Variants in USP35 observed in about 807,000 individuals in gnomAD.
USP35 encodes the protein ubiquitin carboxyl-terminal hydrolase 35.
In USP35, 69 loss-of-function variants were observed where a neutral mutation model predicts 83.8. The ratio of observed to expected loss-of-function variants is 0.82; its 90% CI spans 0.68 to 1.01. The LOEUF is 1.01. Ranked by LOEUF, USP35 falls within the 50% of genes least tolerant of loss-of-function variation. USP35 has a pLI of 0.00. For missense variants in USP35, 1,503 were observed against 1,362.5 expected, an observed-to-expected ratio of 1.10 and a Z score of -1.62; for synonymous variants, 714 against 589.5, an observed-to-expected ratio of 1.21 and a Z score of -3.06.
chr11:78,205,812 A>G lies in USP35; in HGVS notation c.1198-30A>G, dbSNP rs371788641. On this transcript the variant is annotated intron_variant, in intron 6 of 10. Coordinates refer to ENST00000529308, the MANE Select transcript of USP35 (RefSeq NM_020798.4). Reference sequence around the variant, plus strand: ...TTTTGAGCTGACCCTGGTGCCCACCATCCTGCCTGCCTGCTTATTCCCTCC... The same window carrying G: ...TTTTGAGCTGACCCTGGTGCCCACCGTCCTGCCTGCCTGCTTATTCCCTCC... 1.9e-5 allele frequency: 30 copies of G among 1,586,732 alleles called. No individual in the cohort carries two copies. The African/African-American group carries it at 2.8e-4, about 15-fold the overall frequency.
At chr11:78,220,529 ACT>A in the USP35 span, 4 of 1,211,610 alleles carry the variant, frequency 3.3e-6, no homozygotes, top group Non-Finnish European at 4.6e-6. Flanking sequence ...GAGTAAGAAC[ACT>A]GTTTCCCTGA....
At chr11:78,217,266 CTT>C (rs1284622233), downstream of USP35, 2 of 152,296 alleles carry the variant, frequency 1.3e-5, no homozygotes, top group Non-Finnish European at 2.9e-5. Context: ...TTGTGGCTAT[CTT>C]AAGTTCAGGG....
Position 78,213,879 on chromosome 11 carries a change from G to C in USP35, c.*66G>C. On this transcript the variant is annotated 3_prime_UTR_variant, in exon 11 of 11. Coordinates refer to ENST00000529308, the MANE Select transcript of USP35 (RefSeq NM_020798.4). The stretch of plus-strand genomic sequence containing the variant: ...CAGGTAGGGCCTGAGGGAAGCTGTG[G>C]AGGCAGGCCCTACCAAGAGGAAGGA... 2 of 1,511,472 alleles carry C rather than the reference G, an allele frequency of 1.3e-6. No homozygotes were observed. Among genetic ancestry groups the C allele is most frequent in the Non-Finnish European group, 1.8e-6 (2 of 1,140,204 alleles). 93.6% of individuals were successfully genotyped at this position (1,511,472 alleles called of 1,614,324 possible).
intron 10 of USP35, 31 bp from the exon 11 acceptor site, chr11:78,213,615 A>G (rs771488024): frequency 4.1e-6 from 4 of 967,722 alleles, no homozygotes; most frequent in Non-Finnish European, 5.2e-6. Flanking sequence ...GTGAATTCTA[A>G]GTCTAAGTCT....
chr11:78,207,697 C>T lies in USP35; in HGVS notation c.1485+74C>T, dbSNP rs28430773. On this transcript the variant is annotated intron_variant, in intron 8 of 10. Coordinates refer to ENST00000529308, the MANE Select transcript of USP35 (RefSeq NM_020798.4). Reference sequence around the variant, plus strand: ...GCCCCGACATGGACACCTTTCCCTTCCCCAGGACCTGCCTGCATCTGGCTG... The same window carrying T: ...GCCCCGACATGGACACCTTTCCCTTTCCCAGGACCTGCCTGCATCTGGCTG... 4,288 of 1,441,524 alleles carry T rather than the reference C, an allele frequency of 3.0e-3. 109 individuals are homozygous for T. The African/African-American group carries it at 0.055, about 18-fold the overall frequency. The allele number at this position is 1,441,524 out of a possible 1,614,324, so 89.3% of individuals were successfully genotyped here. A position where few individuals can be genotyped will look rare whatever the true frequency, so the allele number is the denominator to read the frequency against.
chr11:78,202,794 G>T (rs1367258396), intron 6 of USP35, among the ~76,000 whole-genome samples: 1 of 152,176 alleles, frequency 6.6e-6, no homozygotes, highest in Admixed American at 6.5e-5. Context: ...TGTTGCCCAA[G>T]GGTTTCTACA....
intron 10 of USP35, among the ~76,000 whole-genome samples, chr11:78,212,817 TATCATCTAGAAAACCCCATTA>T (rs1863841862): frequency 6.6e-6 from 1 of 152,106 alleles, no homozygotes; most frequent in South Asian, 2.1e-4. Context: ...CATGATTCTG[TATCATCTAGAAAACCCCATTA>T]ATGCAGTTAA....
At chr11:78,220,300 C>G in the USP35 span, 42 of 1,611,218 alleles carry the variant, frequency 2.6e-5, no homozygotes, top group Admixed American at 1.7e-4. Context: ...TACTGCCCCC[C>G]CAACTCTACT....
chr11:78,189,008 G>GAGATGCTGCTTCCA lies in USP35; in HGVS notation c.-160_-159insAGATGCTGCTTCCA. 1.0e-6 allele frequency: 1 copy of GAGATGCTGCTTCCA among 953,556 alleles called. No individual in the cohort carries two copies. The highest frequency in any genetic ancestry group is 1.2e-6 in the Non-Finnish European group (1 of 800,832). The allele number at this position is 953,556 out of a possible 1,614,324, so 59.1% of individuals were successfully genotyped here. A position where few individuals can be genotyped will look rare whatever the true frequency, so the allele number is the denominator to read the frequency against. On this transcript the variant is annotated 5_prime_UTR_variant, in exon 1 of 11. In the 5' UTR this introduces an upstream ATG that the reference lacks. Transcript: ENST00000529308. ...GGGAAGACTGGATTTTGCAGTGGAA[G>GAGATGCTGCTTCCA]CAGCATCTCTTCCGTCTGGGACCTG...
intron 3 of USP35, chr11:78,198,575 C>T (rs1367652940): frequency 1.0e-6 from 1 of 981,136 alleles, no homozygotes; most frequent in East Asian, 1.1e-4. Context: ...CTCCCCTCCT[C>T]CCTGCAGGCC....
the USP35 span, among the ~76,000 whole-genome samples, chr11:78,236,547 T>C: frequency 1.3e-5 from 2 of 152,352 alleles, no homozygotes; most frequent in Admixed American, 1.3e-4. Flanking sequence ...TTGTTTTCAA[T>C]CTTAGGGCAT....
At chr11:78,205,166 C>T (rs1863492743) in intron 6 of USP35, among the ~76,000 whole-genome samples, 2 of 152,196 alleles carry the variant, frequency 1.3e-5, no homozygotes. Context: ...GAGTGGGAAG[C>T]ATGCCAAGGA....
chr11:78,220,304 C>A, the USP35 span: 1 of 1,611,900 alleles, frequency 6.2e-7, no homozygotes, highest in African/African-American at 1.3e-5. Flanking sequence ...GCCCCCCCAA[C>A]TCTACTCCAG....
Position 78,213,893 on chromosome 11 carries a change from C to G in USP35, c.*80C>G. 2.0e-6 allele frequency: 3 copies of G among 1,482,788 alleles called. No homozygotes were observed. Among genetic ancestry groups the G allele is most frequent in the Non-Finnish European group, 2.7e-6 (3 of 1,118,372 alleles). 91.9% of individuals were successfully genotyped at this position (1,482,788 alleles called of 1,614,324 possible). On this transcript the variant is annotated 3_prime_UTR_variant, in exon 11 of 11. Coordinates refer to ENST00000529308, the MANE Select transcript of USP35 (RefSeq NM_020798.4). ...GGGAAGCTGTGGAGGCAGGCCCTAC[C>G]AAGAGGAAGGATGGTACAGCTCATG... is the stretch of plus-strand genomic sequence containing the variant.
chr11:78,197,500 T>C (rs1158033115), intron 2 of USP35, among the ~76,000 whole-genome samples: 4 of 151,946 alleles, frequency 2.6e-5, no homozygotes, highest in Non-Finnish European at 5.9e-5. Flanking sequence ...GTGATGAGGC[T>C]CTCCAGGGGA....
In USP35 at chr11:78,209,662, C is replaced by T. The variant is rs1863663052; in HGVS notation, c.1807C>T (p.Pro603Ser). ...FTDLSLAFPP[P>S]ERCRRRRLGS... ...GGACCTCTCTCTCGCCTTCCCTCCT[C>T]CTGAGCGCTGTCGCCGCCGCCGCCT... Residue 603 changes from proline to serine, a missense_variant, in exon 10 of 11, where the codon CCT becomes TCT. Coordinates refer to ENST00000529308, the MANE Select transcript of USP35 (RefSeq NM_020798.4). The T allele has an allele frequency of 1.2e-6, 2 of 1,614,070 alleles. No individual in the cohort carries two copies. The highest frequency in any genetic ancestry group is 1.3e-5 in the African/African-American group (1 of 75,054).
At chr11:78,215,883 A>C (rs1364429907), downstream of USP35, 1 of 152,714 alleles carries the variant, frequency 6.5e-6, no homozygotes, top group African/African-American at 2.4e-5. Context: ...TGCTGGGCCG[A>C]GATGTCCCCA....
the USP35 span, among the ~76,000 whole-genome samples, chr11:78,233,312 G>A: frequency 1.8e-4 from 28 of 152,264 alleles, no homozygotes; most frequent in Non-Finnish European, 2.1e-4. Context: ...TGGGATTATA[G>A]GCATGAGCCA....
chr11:78,215,983 T>G (rs1343756037), downstream of USP35: 1 of 152,624 alleles, frequency 6.6e-6, no homozygotes, highest in African/African-American at 2.4e-5. Flanking sequence ...TGGGGCATAC[T>G]TTGTTAACTT....
Sources: gnomAD v4.1 joint callset for allele counts (sites outside exome capture counted in the v4.1 genomes callset) on GRCh38, gnomAD v4.1.1 for gene constraint, MANE v1.5 for transcripts, NCBI Gene and HGNC (gene_info 2026-07-23, HGNC 2026-07-21) for gene names.